The following APPL1 variants were observed in gnomAD, a reference collection of about 807,000 sequenced individuals.
The protein encoded by APPL1 is adaptor protein, phosphotyrosine interacting with PH domain and leucine zipper 1.
Under a neutral mutation model 106.8 loss-of-function variants are expected in APPL1, and 42 were observed. The ratio of observed to expected loss-of-function variants is 0.39; its 90% CI spans 0.31 to 0.51. The LOEUF (loss-of-function observed/expected upper bound fraction) is 0.51. APPL1 is among the 20% of genes least tolerant of loss of function. The pLI is 0.75. For missense variants in APPL1, 769 were observed against 858.2 expected (o/e 0.90, Z 1.30); for synonymous variants, 263 against 281.8 (o/e 0.93, Z 0.67).
At chr3:57,229,582 A>T (rs1483705148) in intron 1 of APPL1, among the ~76,000 whole-genome samples, 4 of 151,692 alleles carry the variant, frequency 2.6e-5, no homozygotes, top group Non-Finnish European at 5.9e-5. Flanking sequence ...CTGGAGAGCA[A>T]TGGCTGTTCA....
Position 57,227,868 on chromosome 3 carries a change from C to T in APPL1, c.-16C>T, listed in dbSNP as rs1579374241. 4 of 1,459,974 alleles carry T rather than the reference C, an allele frequency of 2.7e-6. No individual in the cohort carries two copies. Among genetic ancestry groups the T allele is most frequent in the Non-Finnish European group, 3.6e-6 (4 of 1,103,640 alleles). The allele number at this position is 1,459,974 out of a possible 1,614,324, so 90.4% of individuals were successfully genotyped here. On this transcript the variant is annotated 5_prime_UTR_variant, in exon 1 of 22. Coordinates refer to ENST00000288266, the MANE Select transcript of APPL1 (RefSeq NM_012096.3). ...GCGGCAGCTGCGTCTCCTGCCACCGCCCTCCCTCCGCCACGATGCCGGGGA... is the reference window on the plus strand; with the variant it reads ...GCGGCAGCTGCGTCTCCTGCCACCGTCCTCCCTCCGCCACGATGCCGGGGA...
At chr3:57,251,540 AAAAG>A (rs1482311231) in intron 11 of APPL1, among the ~76,000 whole-genome samples, 2 of 151,864 alleles carry the variant, frequency 1.3e-5, no homozygotes, top group Non-Finnish European at 2.9e-5. Context: ...AAAAAAAAAA[AAAAG>A]ATACTATAGC....
At chr3:57,260,289 A>T in intron 18 of APPL1, 136 bp downstream of exon 18, 1 of 932,468 alleles carries the variant, frequency 1.1e-6, no homozygotes, top group Non-Finnish European at 1.6e-6. Context: ...TGTTGTAGTT[A>T]AGTCTATGGC....
At chr3:57,234,391 A>T (rs1338345129) in intron 1 of APPL1, among the ~76,000 whole-genome samples, 1 of 141,194 alleles carries the variant, frequency 7.1e-6, no homozygotes, top group Admixed American at 7.6e-5. Context: ...TCCGCCTCCC[A>T]GGTTCACGCC....
rs1346689302 is a variant in APPL1, at chr3:57,228,448, C to G, written c.54+511C>G. ...TAATGGCAAAGCCCGTGACGGGTCC[C>G]GGAGCCCAAGACCGCTCTCCCCGCC... On this transcript the variant is annotated intron_variant, in intron 1 of 21. Coordinates refer to ENST00000288266, the MANE Select transcript of APPL1 (RefSeq NM_012096.3). The surrounding 1 kb of genome is among the most constrained non-coding windows in gnomAD (Gnocchi z 4.6). Among the ~76,000 whole-genome samples, 1 of 152,234 alleles carries G rather than the reference C, an allele frequency of 6.6e-6. No individual in the cohort carries two copies. The highest frequency in any genetic ancestry group is 1.5e-5 in the Non-Finnish European group (1 of 68,040).
intron 18 of APPL1, chr3:57,260,357 C>G: frequency 1.7e-6 from 1 of 590,130 alleles, no homozygotes; most frequent in Non-Finnish European, 2.7e-6. Context: ...TAACACAATT[C>G]TTTTTGTAAT....
rs902755597 is a variant in APPL1 at position 57,267,802 on chromosome 3, C to T, written c.1893+10C>T. On this transcript the variant is annotated intron_variant, in intron 20 of 21. Transcript: ENST00000288266. ...TTTGCATGCTGAACTGGTAAGAATC[C>T]AAGATGTGGCTGGGCACAGTGGTTC... 6.2e-7 allele frequency: 1 copy of T among 1,612,946 alleles called. No homozygotes were observed. Among genetic ancestry groups the T allele is most frequent in the Admixed American group, 1.7e-5 (1 of 59,974 alleles).
intron 17 of APPL1, 29 bp from the exon 18 acceptor site, chr3:57,260,088 G>A (rs1348747749): frequency 6.2e-7 from 1 of 1,605,072 alleles, no homozygotes; most frequent in East Asian, 2.2e-5. Flanking sequence ...ATTAAAATTT[G>A]TTTTCCAATT....
At chr3:57,243,080 C>T (rs2060755447) in intron 7 of APPL1, among the ~76,000 whole-genome samples, 166 bp downstream of exon 7, 1 of 152,098 alleles carries the variant, frequency 6.6e-6, no homozygotes, top group Non-Finnish European at 1.5e-5. Flanking sequence ...TAATCATTGA[C>T]CTCTTTAAAC....
chr3:57,230,842 T>G (rs2060682624), intron 1 of APPL1: 1 of 423,450 alleles, frequency 2.4e-6, no homozygotes, highest in Admixed American at 3.3e-5. Context: ...CAGCCATAGC[T>G]CTGAAACCTC....
intron 7 of APPL1, among the ~76,000 whole-genome samples, chr3:57,243,848 T>C (rs2060758966): frequency 6.6e-6 from 1 of 152,184 alleles, no homozygotes; most frequent in South Asian, 2.1e-4. Context: ...AAAAACACTC[T>C]GTCACCAACT....
chr3:57,242,253 G>A (rs2107600212), intron 6 of APPL1, 111 bp downstream of exon 6: 3 of 795,810 alleles, frequency 3.8e-6, no homozygotes, highest in Non-Finnish European at 5.9e-6. Flanking sequence ...TTAAAAATAA[G>A]TGAACATTAC....
intron 12 of APPL1, 97 bp from the exon 13 acceptor site, chr3:57,253,585 A>T: frequency 1.1e-6 from 1 of 897,530 alleles, no homozygotes; most frequent in Non-Finnish European, 1.5e-6. Flanking sequence ...TATTACTTCT[A>T]ATGAAACATC....
chr3:57,251,479 C>T (rs112184587), intron 11 of APPL1, among the ~76,000 whole-genome samples: 12,348 of 148,860 alleles, frequency 0.083, 1,698 homozygotes, highest in African/African-American at 0.29. Context: ...GAGCCGAGAT[C>T]GCGCCACTGC....
chr3:57,261,222 G>T (rs1015280283), intron 19 of APPL1, among the ~76,000 whole-genome samples: 1 of 151,912 alleles, frequency 6.6e-6, no homozygotes, highest in Non-Finnish European at 1.5e-5. Context: ...TTGTCTTTTT[G>T]TGCCTGGCTT....
At chr3:57,262,995 G>A (rs2060875456) in intron 19 of APPL1, among the ~76,000 whole-genome samples, 1 of 151,640 alleles carries the variant, frequency 6.6e-6, no homozygotes, top group Non-Finnish European at 1.5e-5. Context: ...GGGTCTATAG[G>A]CATGCGCCAC....
At chr3:57,242,528 T>A (rs1309377954) in intron 6 of APPL1, among the ~76,000 whole-genome samples, 1 of 152,190 alleles carries the variant, frequency 6.6e-6, no homozygotes, top group African/African-American at 2.4e-5. Flanking sequence ...ACTGTAGTGA[T>A]CCTGCTGCCC....
At chr3:57,229,919 G>C (rs895560947) in intron 1 of APPL1, among the ~76,000 whole-genome samples, 3 of 151,922 alleles carry the variant, frequency 2.0e-5, no homozygotes, top group Non-Finnish European at 4.4e-5. Flanking sequence ...TTGCCATGTT[G>C]GCCAGGCTGG....
At chr3:57,259,804 CA>C in intron 16 of APPL1, 40 bp from the exon 17 acceptor site, 1 of 1,410,018 alleles carries the variant, frequency 7.1e-7, no homozygotes, top group Non-Finnish European at 9.5e-7. Context: ...TAAATTTATA[CA>C]GTAAAAAAAA....
Sources: gnomAD v4.1 joint callset for allele counts (sites outside exome capture counted in the v4.1 genomes callset) on GRCh38, gnomAD v4.1.1 for gene constraint, Gnocchi (gnomAD v3.1) non-coding constraint, MANE v1.5 for transcripts, NCBI Gene and HGNC (gene_info 2026-07-23, HGNC 2026-07-21) for gene names.